Variants in MAN2A1 observed in about 807,000 individuals in gnomAD.
MAN2A1 encodes mannosidase alpha class 2A member 1.
MAN2A1 carries 76 observed loss-of-function variants against 142.6 expected under a neutral mutation model. The ratio of observed to expected loss-of-function variants is 0.53; its 90% CI spans 0.44 to 0.65. MAN2A1 has a LOEUF of 0.65. MAN2A1 is among the 30% of genes least tolerant of loss of function. The pLI is 0.00. For missense variants in MAN2A1, 1,311 were observed against 1,365.1 expected (o/e 0.96, Z 0.62); for synonymous variants, 559 against 473.2 (o/e 1.18, Z -2.35).
At chr5:109,851,180 A>C (rs1047707922) in intron 19 of MAN2A1, among the ~76,000 whole-genome samples, 2 of 152,246 alleles carry the variant, frequency 1.3e-5, no homozygotes, top group South Asian at 2.1e-4. Context: ...AGAGTCAGTA[A>C]AAACAAGGAC....
intron 4 of MAN2A1, among the ~76,000 whole-genome samples, chr5:109,732,348 C>T (rs917524494): frequency 6.6e-6 from 1 of 152,078 alleles, no homozygotes; most frequent in African/African-American, 2.4e-5. Context: ...TTTTGCTGTG[C>T]AGAAGCTCTT....
Position 109,855,222 on chromosome 5 carries a change from T to TG in MAN2A1, c.3061dup (p.Ala1021GlyfsTer3). 1.2e-6 allele frequency: 2 copies of TG among 1,603,474 alleles called. No individual in the cohort carries two copies. The highest frequency in any genetic ancestry group is 1.7e-6 in the Non-Finnish European group (2 of 1,176,364). ...CTCATGAATCATCCAGTCATTCCAA[T>TG]GGCAAATAAGTTCTCCTCACCTACC... On this transcript the variant is annotated frameshift_variant, in exon 20 of 22. Transcript: ENST00000261483. LOFTEE classifies it high-confidence loss of function.
chr5:109,846,564 G>T (rs1443393911), intron 18 of MAN2A1, among the ~76,000 whole-genome samples: 1 of 152,114 alleles, frequency 6.6e-6, no homozygotes, highest in Non-Finnish European at 1.5e-5. Context: ...ATTAATTTTT[G>T]CAAGTCTTTC....
chr5:109,849,480 C>A (rs183531130), intron 19 of MAN2A1, among the ~76,000 whole-genome samples: 1 of 152,310 alleles, frequency 6.6e-6, no homozygotes, highest in East Asian at 1.9e-4. Flanking sequence ...CCAAGACAGA[C>A]ATGAGTTCTG....
chr5:109,819,094 A>G (rs1406758179), intron 13 of MAN2A1, among the ~76,000 whole-genome samples: 1 of 152,180 alleles, frequency 6.6e-6, no homozygotes, highest in Non-Finnish European at 1.5e-5. Flanking sequence ...TACCCATACA[A>G]CTATTCTATT....
intron 12 of MAN2A1, among the ~76,000 whole-genome samples, chr5:109,803,673 A>G (rs1206768009): frequency 6.6e-6 from 1 of 152,088 alleles, no homozygotes; most frequent in Admixed American, 6.6e-5. Context: ...TCTAGTTAAG[A>G]TATTTGGAAA....
At position 109,784,784 on chromosome 5, in the gene MAN2A1, C is replaced by G; in HGVS notation, c.1618C>G (p.His540Asp). Residue 540 changes from histidine (H) to aspartate (D), a missense_variant, in exon 10 of 22, where the codon CAC becomes GAC. By Grantham distance (81) the His-to-Asp change is moderately conservative. Around this residue, in one of 3 missense-constraint regions of MAN2A1, gnomAD observed 890 missense variants for 920.5 expected, o/e 0.97. Transcript: ENST00000261483. ...TTACTATTTCGCCCTGAGACAAGCT[C>G]ACAAATACAAGATAAATAAATTTCT... ...ILYYFALRQAHKYKINKFLSS... is the reference protein window; with the variant it reads ...ILYYFALRQADKYKINKFLSS... 6.2e-7 allele frequency: 1 copy of G among 1,609,418 alleles called. No homozygotes were observed. Among genetic ancestry groups the G allele is most frequent in the South Asian group, 1.1e-5 (1 of 89,600 alleles).
intron 16 of MAN2A1, among the ~76,000 whole-genome samples, chr5:109,831,573 T>C (rs1486792904): frequency 6.6e-6 from 1 of 152,240 alleles, no homozygotes; most frequent in Non-Finnish European, 1.5e-5. Flanking sequence ...TTTTGGTGTA[T>C]TGTACATGGT....
chr5:109,799,642 T>A (rs1753961375), intron 12 of MAN2A1, among the ~76,000 whole-genome samples: 1 of 151,544 alleles, frequency 6.6e-6, no homozygotes, highest in African/African-American at 2.4e-5. Flanking sequence ...GAATCCCAGC[T>A]ACTTGGGAGG....
At chr5:109,734,092 A>C (rs1338844170) in intron 4 of MAN2A1, among the ~76,000 whole-genome samples, 1 of 151,756 alleles carries the variant, frequency 6.6e-6, no homozygotes, top group Non-Finnish European at 1.5e-5. Context: ...TAGTCTTGGG[A>C]GGGTGTATGT....
intron 8 of MAN2A1, 86 bp downstream of exon 8, chr5:109,775,051 T>C: frequency 1.1e-6 from 1 of 877,506 alleles, no homozygotes; most frequent in South Asian, 1.7e-5. Flanking sequence ...TTAGCTTCTT[T>C]GTCCTACATC....
rs181584906 is a variant in MAN2A1, at chr5:109,869,557, T to G, written c.*2559T>G. ...ATCAACAGGTTTTGATATTTTCTCT[T>G]GGAAGATTTTATATCTTTTTGGGAA... On this transcript the variant is annotated 3_prime_UTR_variant, in exon 22 of 22. Transcript: ENST00000261483. The G allele has an allele frequency of 1.3e-5, 2 of 152,304 alleles. No individual in the cohort carries two copies. The highest frequency in any genetic ancestry group is 1.3e-4 in the Admixed American group (2 of 15,300). 9.4% of individuals were successfully genotyped at this position (152,304 alleles called of 1,614,324 possible). A position where few individuals can be genotyped will look rare whatever the true frequency, so the allele number is the denominator to read the frequency against.
chr5:109,797,698 G>A (rs1753900780), intron 12 of MAN2A1, among the ~76,000 whole-genome samples: 2 of 152,152 alleles, frequency 1.3e-5, no homozygotes, highest in South Asian at 4.2e-4. Flanking sequence ...AGATGAAGAG[G>A]GATAAGTGCT....
intron 12 of MAN2A1, 68 bp from the exon 13 acceptor site, chr5:109,817,181 TATGTATATGTATATGTATATCTAC>T: frequency 1.7e-5 from 4 of 239,032 alleles, no homozygotes; most frequent in Admixed American, 1.1e-4. Flanking sequence ...TATATATGTA[TATGTATATGTATATGTATATCTAC>T]ATGTATATGT....
At chr5:109,795,138 G>A (rs1002731396) in intron 12 of MAN2A1, among the ~76,000 whole-genome samples, 1 of 152,032 alleles carries the variant, frequency 6.6e-6, no homozygotes, top group South Asian at 2.1e-4. Flanking sequence ...GTCATGGCTT[G>A]GTAGCAATAC....
intron 8 of MAN2A1, among the ~76,000 whole-genome samples, chr5:109,776,656 G>T (rs567763877): frequency 6.6e-6 from 1 of 152,202 alleles, no homozygotes; most frequent in East Asian, 1.9e-4. Flanking sequence ...CAAACCATAA[G>T]TGTGCATAGA....
Position 109,713,614 on chromosome 5 carries a change from T to A in MAN2A1, c.230T>A (p.Ile77Asn). ...ATCTCAAATATTAGAGACTCAGTCA[T>A]CAATTTGAGTGAGTCTGTGGAGGAT... ...EIISNIRDSV[I>N]NLSESVEDGP... The change falls in exon 2 of 22, where the codon ATC becomes AAC. Residue 77 changes from isoleucine (I) to asparagine (N), a missense_variant. Transcript: ENST00000261483. The A allele has an allele frequency of 6.2e-7, 1 of 1,613,934 alleles. No individual in the cohort carries two copies. Among genetic ancestry groups the A allele is most frequent in the South Asian group, 1.1e-5 (1 of 91,086 alleles).
intron 10 of MAN2A1, among the ~76,000 whole-genome samples, chr5:109,785,314 C>T (rs1257419697): frequency 6.6e-6 from 1 of 151,478 alleles, no homozygotes; most frequent in East Asian, 1.9e-4. Context: ...TCAGTTTAAT[C>T]TCATCCTATT....
At chr5:109,752,901 C>T (rs182376089) in intron 4 of MAN2A1, among the ~76,000 whole-genome samples, 1 of 152,228 alleles carries the variant, frequency 6.6e-6, no homozygotes. Flanking sequence ...ACTGTATATA[C>T]TGTAATTCTT....
Sources: allele counts gnomAD v4.1 joint callset (sites outside exome capture counted in the v4.1 genomes callset), GRCh38; gene constraint gnomAD v4.1.1; regional missense constraint gnomAD v4.1.1; transcripts MANE v1.5; gene names NCBI Gene and HGNC (gene_info 2026-07-23, HGNC 2026-07-21).